Variants in MCCC1 observed in about 807,000 individuals in gnomAD.
The protein encoded by MCCC1 is methylcrotonoyl-CoA carboxylase subunit alpha, mitochondrial.
A neutral mutation model predicts 83.8 loss-of-function variants in MCCC1; 64 were observed. The ratio of observed to expected loss-of-function variants is 0.76; its 90% CI spans 0.62 to 0.94. MCCC1 has a LOEUF of 0.94. MCCC1 is among the 40% of genes least tolerant of loss of function. The pLI, the probability that MCCC1 is intolerant of heterozygous loss-of-function variation, is 0.00. For missense variants in MCCC1, 807 were observed against 904.7 expected (o/e 0.89, Z 1.39); for synonymous variants, 322 against 315.4 (o/e 1.02, Z -0.22).
intron 12 of MCCC1, among the ~76,000 whole-genome samples, chr3:183,038,648 C>T (rs577615533): frequency 1.4e-4 from 21 of 152,152 alleles, no homozygotes; most frequent in Admixed American, 2.0e-4. Context: ...TACTGGGTAG[C>T]GAAAACAACA....
intron 1 of MCCC1, among the ~76,000 whole-genome samples, chr3:183,115,260 A>T (rs191053132): frequency 1.3e-5 from 2 of 152,244 alleles, no homozygotes; most frequent in Non-Finnish European, 2.9e-5. Context: ...TGCCAGGGCC[A>T]CCCAGGCATC....
At chr3:183,073,094 T>C (rs751243816) in intron 4 of MCCC1, among the ~76,000 whole-genome samples, 7 of 152,100 alleles carry the variant, frequency 4.6e-5, no homozygotes, top group African/African-American at 1.7e-4. Context: ...GACATTGTGT[T>C]ATTTCTACAC....
chr3:183,086,604 G>T, intron 4 of MCCC1, 89 bp downstream of exon 4: 1 of 1,154,756 alleles, frequency 8.7e-7, no homozygotes, highest in South Asian at 1.3e-5. Flanking sequence ...CTTGGGAAAG[G>T]CTAAAAATAG....
intron 2 of MCCC1, among the ~76,000 whole-genome samples, chr3:183,093,978 G>A (rs1718552657): frequency 6.6e-6 from 1 of 151,976 alleles, no homozygotes. Context: ...AGGGTCAAAT[G>A]GACAGAAAGA....
chr3:183,092,520 A>G lies in MCCC1; in HGVS notation c.162T>C (p.Ile54=). The change falls in exon 3 of 19, where the codon ATT becomes ATC. Residue 54 remains isoleucine, a synonymous_variant. Coordinates refer to ENST00000265594, the MANE Select transcript of MCCC1 (RefSeq NM_020166.5). ...ATGRNITKVL[I]ANRGEIACRV... The stretch of plus-strand genomic sequence containing the variant: ...TGCAGGCAATTTCTCCTCTGTTTGC[A>G]ATGAGGACCTTGGTAATGTTTCTTC... 2 of 1,614,156 alleles carry G rather than the reference A, an allele frequency of 1.2e-6. No homozygotes were observed. The highest frequency in any genetic ancestry group is 2.7e-5 in the African/African-American group (2 of 75,036).
At chr3:183,044,526 G>T (rs1345832727) in intron 10 of MCCC1, among the ~76,000 whole-genome samples, 1 of 152,116 alleles carries the variant, frequency 6.6e-6, no homozygotes, top group African/African-American at 2.4e-5. Flanking sequence ...ACTTTACTTG[G>T]ATCATTCTAG....
At chr3:183,096,244 G>A (rs1041493903) in intron 1 of MCCC1, among the ~76,000 whole-genome samples, 2 of 152,032 alleles carry the variant, frequency 1.3e-5, no homozygotes, top group African/African-American at 4.8e-5. Context: ...GCTGAGGCAG[G>A]AGTATCACTT....
upstream of MCCC1, among the ~76,000 whole-genome samples, chr3:183,102,329 C>T (rs1224190434): frequency 6.6e-6 from 1 of 152,106 alleles, no homozygotes; most frequent in Non-Finnish European, 1.5e-5. Context: ...TGCCACTATA[C>T]TCCAGCCTGG....
chr3:183,069,348 T>C (rs1353134582), intron 7 of MCCC1, among the ~76,000 whole-genome samples: 1 of 152,198 alleles, frequency 6.6e-6, no homozygotes, highest in Non-Finnish European at 1.5e-5. Flanking sequence ...AAATAAGCTA[T>C]TGATGTCTCT....
At chr3:183,017,190 C>T in intron 18 of MCCC1, 76 bp downstream of exon 18, 1 of 1,329,262 alleles carries the variant, frequency 7.5e-7, no homozygotes, top group Non-Finnish European at 1.1e-6. Flanking sequence ...TATTAACTTA[C>T]AAAATAAGGC....
chr3:183,028,338 C>T (rs971049509), intron 14 of MCCC1, among the ~76,000 whole-genome samples: 1 of 152,206 alleles, frequency 6.6e-6, no homozygotes, highest in Non-Finnish European at 1.5e-5. Context: ...TGCACATAGT[C>T]ACCACCCAAG....
intron 14 of MCCC1, among the ~76,000 whole-genome samples, chr3:183,030,828 G>A (rs1303564142): frequency 6.6e-6 from 1 of 152,096 alleles, no homozygotes; most frequent in Non-Finnish European, 1.5e-5. Context: ...TTGAATGTAT[G>A]AATGAATAAA....
At chr3:183,016,599 T>G (rs1289233300) in intron 18 of MCCC1, among the ~76,000 whole-genome samples, 2 of 152,206 alleles carry the variant, frequency 1.3e-5, no homozygotes, top group Non-Finnish European at 2.9e-5. Context: ...GGAAGAATTT[T>G]TTCAAATCTC....
chr3:183,086,760 G>A lies in MCCC1; in HGVS notation c.302C>T (p.Ala101Val), dbSNP rs772547872. 1.2e-6 allele frequency: 2 copies of A among 1,614,144 alleles called. No homozygotes were observed. The highest frequency in any genetic ancestry group is 3.3e-5 in the Admixed American group (2 of 60,012). The change falls in exon 4 of 19, where the codon GCT becomes GTT. Residue 101 changes from alanine to valine, a missense_variant. Ala to Val is a moderately conservative substitution (Grantham distance 64). Transcript: ENST00000265594. The part of the protein sequence containing the change: ...MADEAYSIGP[A>V]PSQQSYLSME... ...AGATAGGTAGCTCTGCTGGGAGGGAGCGGGGCCGATGGAATATGCTTCATC... is the reference window on the plus strand; with the variant it reads ...AGATAGGTAGCTCTGCTGGGAGGGAACGGGGCCGATGGAATATGCTTCATC...
chr3:183,085,821 G>A (rs570426149), intron 4 of MCCC1, among the ~76,000 whole-genome samples: 4 of 152,130 alleles, frequency 2.6e-5, no homozygotes, highest in African/African-American at 9.6e-5. Context: ...TCACCAGTAG[G>A]GGTCACTGTA....
upstream of MCCC1, among the ~76,000 whole-genome samples, chr3:183,102,012 G>A (rs1719318252): frequency 6.6e-6 from 1 of 152,154 alleles, no homozygotes; most frequent in African/African-American, 2.4e-5. Flanking sequence ...ACAGACTCCA[G>A]ACGCGCCGCC....
chr3:183,047,042 A>G (rs562298316), intron 9 of MCCC1, among the ~76,000 whole-genome samples: 2 of 152,226 alleles, frequency 1.3e-5, no homozygotes, highest in African/African-American at 4.8e-5. Context: ...AGGTCTTCAC[A>G]GTGAATATCA....
chr3:183,046,719 A>T (rs1321134733), intron 9 of MCCC1, among the ~76,000 whole-genome samples: 1 of 152,170 alleles, frequency 6.6e-6, no homozygotes, highest in Admixed American at 6.5e-5. Flanking sequence ...TTTGAAAATC[A>T]ATCTGATCCG....
intron 1 of MCCC1, among the ~76,000 whole-genome samples, chr3:183,110,829 AG>A: frequency 6.6e-6 from 1 of 152,210 alleles, no homozygotes; most frequent in Non-Finnish European, 1.5e-5. Context: ...GGAGAAAGGT[AG>A]GGATCTAGTT....
Sources: gnomAD v4.1 joint callset for allele counts (sites outside exome capture counted in the v4.1 genomes callset) on GRCh38, gnomAD v4.1.1 for gene constraint, MANE v1.5 for transcripts, NCBI Gene and HGNC (gene_info 2026-07-23, HGNC 2026-07-21) for gene names.